Variants in RHOT1 observed in about 807,000 individuals in gnomAD.
RHOT1 encodes the protein mitochondrial Rho GTPase 1.
A neutral mutation model predicts 95.3 loss-of-function variants in RHOT1; 27 were observed. The ratio of observed to expected loss-of-function variants is 0.28; its 90% CI spans 0.21 to 0.39. The LOEUF (loss-of-function observed/expected upper bound fraction) is 0.39. Among genes scored for constraint, RHOT1 ranks in the 10% least tolerant of loss-of-function variants. The probability of loss-of-function intolerance (pLI) is 1.00; values close to 1 mark genes in which losing one functional copy is unlikely to be tolerated. For synonymous variants in RHOT1, 227 were observed against 263.5 expected, an observed-to-expected ratio of 0.86 and a Z score of 1.34; for missense variants, 578 against 786.7, an observed-to-expected ratio of 0.73 and a Z score of 3.17.
In RHOT1 at chr17:32,179,979, G is replaced by T. The variant is rs940059115; in HGVS notation, c.330-2778G>T. Reference sequence around the variant, plus strand: ...AGGAGCACCTCTGCCCGGCCGCCCCGTCTGGGAAGTGAGGAGCGCCTCTGC... The same window carrying T: ...AGGAGCACCTCTGCCCGGCCGCCCCTTCTGGGAAGTGAGGAGCGCCTCTGC... On this transcript the variant is annotated intron_variant, in intron 6 of 19. Coordinates refer to ENST00000545287, the MANE Select transcript of RHOT1 (RefSeq NM_001033566.3). 9 of 125,638 alleles carry T rather than the reference G, an allele frequency of 7.2e-5. No individual in the cohort carries two copies. The Admixed American group carries it at 7.2e-4, about 10-fold the overall frequency. The allele number at this position is 125,638 out of a possible 1,614,324, so 7.8% of individuals were successfully genotyped here.
chr17:32,198,030 G>A (rs1354061349), intron 11 of RHOT1, among the ~76,000 whole-genome samples: 1 of 152,130 alleles, frequency 6.6e-6, no homozygotes, highest in African/African-American at 2.4e-5. Context: ...CAGTAGCTGG[G>A]ACTACAAGCA....
At chr17:32,145,470 T>C (rs1264520589) in intron 1 of RHOT1, among the ~76,000 whole-genome samples, 1 of 152,156 alleles carries the variant, frequency 6.6e-6, no homozygotes, top group Non-Finnish European at 1.5e-5. Context: ...AACTGGTTTG[T>C]CTAACTCTGA....
chr17:32,165,131 A>G lies in RHOT1; in HGVS notation c.38-5912A>G, dbSNP rs567496686. Among the ~76,000 whole-genome samples the G allele has an allele frequency of 2.6e-5, 4 of 152,166 alleles. No individual in the cohort carries two copies. The East Asian group carries it at 7.7e-4, about 29-fold the overall frequency. On this transcript the variant is annotated intron_variant, in intron 1 of 19. Coordinates refer to ENST00000545287, the MANE Select transcript of RHOT1 (RefSeq NM_001033566.3). ...CAAGGCAGGCGGATCACAAGGTCAGATCGAGACCATCCTGGCTAACACGGT... is the reference window on the plus strand; with the variant it reads ...CAAGGCAGGCGGATCACAAGGTCAGGTCGAGACCATCCTGGCTAACACGGT...
At chr17:32,209,558 C>A in intron 18 of RHOT1, 1 of 630,596 alleles carries the variant, frequency 1.6e-6, no homozygotes, top group Non-Finnish European at 2.8e-6. Flanking sequence ...TAGAAACGCA[C>A]TGCTTGGTCA....
In RHOT1 at chr17:32,151,555, G is replaced by A. The variant is rs189128880; in HGVS notation, c.37+8826G>A. The A allele has an allele frequency of 1.6e-3, 708 of 438,858 alleles. 1 individual carries two copies. The highest frequency in any genetic ancestry group is 5.4e-3 in the Middle Eastern group (7 of 1,298). 27.2% of individuals were successfully genotyped at this position (438,858 alleles called of 1,614,324 possible). On this transcript the variant is annotated intron_variant, in intron 1 of 19. Coordinates refer to ENST00000545287, the MANE Select transcript of RHOT1 (RefSeq NM_001033566.3). ...CCCCTTAGACCATTTTCAGTCCTGCGCGGTGTGTCTCTCTCTCAATGAACT... is the reference window on the plus strand; with the variant it reads ...CCCCTTAGACCATTTTCAGTCCTGCACGGTGTGTCTCTCTCTCAATGAACT...
At chr17:32,184,003 A>G (rs1193545512) in intron 8 of RHOT1, among the ~76,000 whole-genome samples, 1 of 152,226 alleles carries the variant, frequency 6.6e-6, no homozygotes, top group East Asian at 1.9e-4. Context: ...TTTTATAGCT[A>G]AGAAACACAG....
At chr17:32,158,694 G>A (rs914718114) in intron 1 of RHOT1, among the ~76,000 whole-genome samples, 7 of 151,984 alleles carry the variant, frequency 4.6e-5, no homozygotes, top group Admixed American at 1.3e-4. Context: ...TCTTGACCTC[G>A]TGATCCGCCC....
intron 11 of RHOT1, among the ~76,000 whole-genome samples, chr17:32,194,828 C>CTT (rs11357987): frequency 1.9e-4 from 24 of 125,304 alleles, no homozygotes; most frequent in Admixed American, 3.2e-4. Context: ...CTTTTTCTTT[C>CTT]TTTTTTTTTT....
At chr17:32,160,729 A>G (rs1598311774) in intron 1 of RHOT1, among the ~76,000 whole-genome samples, 1 of 152,254 alleles carries the variant, frequency 6.6e-6, no homozygotes, top group African/African-American at 2.4e-5. Context: ...GGAGCTGCCC[A>G]CCCCACAGCA....
chr17:32,150,666 AG>A (rs1472421606), intron 1 of RHOT1: 14 of 1,597,028 alleles, frequency 8.8e-6, no homozygotes, highest in Non-Finnish European at 1.1e-5. Flanking sequence ...CATTCTCATC[AG>A]GAAGATTATA....
Position 32,199,064 on chromosome 17 carries a change from T to TA in RHOT1, c.954+34dup, listed in dbSNP as rs747276627. 1.0e-5 allele frequency: 15 copies of TA among 1,441,440 alleles called. No individual in the cohort carries two copies. The Admixed American group carries it at 2.6e-4, about 25-fold the overall frequency. The allele number at this position is 1,441,440 out of a possible 1,614,324, so 89.3% of individuals were successfully genotyped here. ...TTTAGCTGTAATTTTCCATTATATA[T>TA]AGTAAAACATTTTTCTATGGATGAT... On this transcript the variant is annotated intron_variant, in intron 12 of 19. Transcript: ENST00000545287.
intron 11 of RHOT1, among the ~76,000 whole-genome samples, chr17:32,196,261 G>A (rs564900815): frequency 1.3e-4 from 19 of 149,062 alleles, no homozygotes; most frequent in African/African-American, 4.5e-4. Flanking sequence ...CATGATCACA[G>A]CTCACTGTGG....
chr17:32,170,397 G>A (rs1044133343), intron 1 of RHOT1, among the ~76,000 whole-genome samples: 2 of 151,910 alleles, frequency 1.3e-5, no homozygotes, highest in Non-Finnish European at 2.9e-5. Context: ...CCTAGGCAAC[G>A]GAGTGAGACT....
chr17:32,180,147 A>G (rs910226712), intron 6 of RHOT1: 1 of 154,494 alleles, frequency 6.5e-6, no homozygotes, highest in African/African-American at 2.4e-5. Flanking sequence ...GGTGTACCCA[A>G]TAGCTCCGAA....
intron 3 of RHOT1, among the ~76,000 whole-genome samples, chr17:32,175,095 A>G (rs73286136): frequency 0.011 from 1,722 of 152,240 alleles, 33 homozygotes; most frequent in African/African-American, 0.039. Flanking sequence ...TTATTACACA[A>G]TGCTTCTGCT....
At chr17:32,177,941 C>T (rs911952009) in intron 6 of RHOT1, among the ~76,000 whole-genome samples, 8 of 150,558 alleles carry the variant, frequency 5.3e-5, no homozygotes, top group African/African-American at 2.0e-4. Context: ...TCTCCTGCCT[C>T]AGCCTCCCGA....
intron 1 of RHOT1, chr17:32,143,004 T>C (rs1476002637): frequency 1.4e-6 from 1 of 694,062 alleles, no homozygotes; most frequent in Non-Finnish European, 2.6e-6. Flanking sequence ...GCCATGTCCC[T>C]ATTAGCCCTA....
intron 8 of RHOT1, among the ~76,000 whole-genome samples, chr17:32,190,129 G>A (rs1356204122): frequency 6.6e-6 from 1 of 152,016 alleles, no homozygotes; most frequent in African/African-American, 2.4e-5. Context: ...ATACCTTAGA[G>A]CTCTTTAGCT....
intron 8 of RHOT1, among the ~76,000 whole-genome samples, chr17:32,185,644 G>A (rs548451691): frequency 2.6e-5 from 4 of 151,424 alleles, no homozygotes; most frequent in African/African-American, 7.3e-5. Flanking sequence ...CTAGGCTCAA[G>A]CAATGCACCC....
Sources: gnomAD v4.1 joint callset for allele counts (sites outside exome capture counted in the v4.1 genomes callset) on GRCh38, gnomAD v4.1.1 for gene constraint, MANE v1.5 for transcripts, NCBI Gene and HGNC (gene_info 2026-07-23, HGNC 2026-07-21) for gene names.